LYPLAL1: variants seen among roughly 807,000 people sequenced by gnomAD.
LYPLAL1 encodes the protein lysophospholipase-like protein 1.
Under a neutral mutation model 19.7 loss-of-function variants are expected in LYPLAL1, and 23 were observed. The ratio of observed to expected loss-of-function variants is 1.17; its 90% CI spans 0.84 to 1.65. The LOEUF (loss-of-function observed/expected upper bound fraction) is 1.65, where lower values mean the gene tolerates loss of function less well. LYPLAL1 is among the 40% of genes most tolerant of loss of function. LYPLAL1 has a pLI of 0.00. For synonymous variants in LYPLAL1, 119 were observed against 96.3 expected (o/e 1.24, Z -1.38); for missense variants, 355 against 279.4 (o/e 1.27, Z -1.93).
the LYPLAL1 span, among the ~76,000 whole-genome samples, chr1:219,301,793 TTC>T: frequency 1.3e-5 from 2 of 152,182 alleles, no homozygotes; most frequent in Admixed American, 6.5e-5. Context: ...TACATTTTAA[TTC>T]TTTTTCTCAT....
chr1:219,308,948 A>G, the LYPLAL1 span, among the ~76,000 whole-genome samples: 48,913 of 152,052 alleles, frequency 0.32, 8,316 homozygotes, highest in East Asian at 0.6. Context: ...CTTGCACTGC[A>G]CACCTGGGAA....
At chr1:219,299,629 A>G in the LYPLAL1 span, among the ~76,000 whole-genome samples, 2 of 152,188 alleles carry the variant, frequency 1.3e-5, no homozygotes, top group South Asian at 4.1e-4. Context: ...CAGCAACTCG[A>G]GTCCAGGAAT....
intron 3 of LYPLAL1, among the ~76,000 whole-genome samples, chr1:219,195,191 G>A (rs924407900): frequency 2.0e-5 from 3 of 152,048 alleles, no homozygotes; most frequent in Admixed American, 1.3e-4. Flanking sequence ...TAAATACTCT[G>A]TTCAGTTTTT....
At chr1:219,187,281 A>T (rs1367609442) in intron 2 of LYPLAL1, among the ~76,000 whole-genome samples, 1 of 151,740 alleles carries the variant, frequency 6.6e-6, no homozygotes, top group East Asian at 1.9e-4. Context: ...CATTTTGATT[A>T]TAAGGTATCC....
the LYPLAL1 span, among the ~76,000 whole-genome samples, chr1:219,425,188 G>A: frequency 1.3e-5 from 2 of 152,100 alleles, no homozygotes. Flanking sequence ...GCTCCTTTCA[G>A]GCCTCCCATT....
chr1:219,394,911 C>A, the LYPLAL1 span, among the ~76,000 whole-genome samples: 2 of 152,194 alleles, frequency 1.3e-5, no homozygotes, highest in Non-Finnish European at 2.9e-5. Flanking sequence ...CATTAGTTTG[C>A]TAAGGATAAT....
At chr1:219,270,082 T>G in the LYPLAL1 span, among the ~76,000 whole-genome samples, 1 of 152,256 alleles carries the variant, frequency 6.6e-6, no homozygotes, top group African/African-American at 2.4e-5. Flanking sequence ...AGATTCTGGC[T>G]GCCCTCCAGT....
chr1:219,232,277 G>T, the LYPLAL1 span, among the ~76,000 whole-genome samples: 2 of 152,090 alleles, frequency 1.3e-5, no homozygotes, highest in Non-Finnish European at 2.9e-5. Flanking sequence ...GATAGACTCA[G>T]TGCAGTTCAT....
At chr1:219,428,906 C>A in the LYPLAL1 span, among the ~76,000 whole-genome samples, 2 of 151,856 alleles carry the variant, frequency 1.3e-5, no homozygotes, top group East Asian at 1.9e-4. Flanking sequence ...TGGGTACAGA[C>A]TATTATAGCA....
the LYPLAL1 span, among the ~76,000 whole-genome samples, chr1:219,261,954 A>G: frequency 1.3e-5 from 2 of 152,302 alleles, no homozygotes; most frequent in East Asian, 3.9e-4. Flanking sequence ...CCAAACTTTT[A>G]GATTTCTCTT....
chr1:219,265,185 T>G, the LYPLAL1 span, among the ~76,000 whole-genome samples: 1 of 152,200 alleles, frequency 6.6e-6, no homozygotes, highest in African/African-American at 2.4e-5. Context: ...TATAGCACTC[T>G]CTATAATTTT....
the LYPLAL1 span, among the ~76,000 whole-genome samples, chr1:219,399,892 T>C: frequency 0.53 from 80,415 of 151,956 alleles, 21,715 homozygotes; most frequent in East Asian, 0.81. Context: ...AGCCATGCTC[T>C]GCTACAGATG....
chr1:219,372,322 G>A, the LYPLAL1 span, among the ~76,000 whole-genome samples: 1 of 152,156 alleles, frequency 6.6e-6, no homozygotes, highest in Non-Finnish European at 1.5e-5. Flanking sequence ...GGTCAGCCCT[G>A]ATTTGAGGAT....
the LYPLAL1 span, among the ~76,000 whole-genome samples, chr1:219,220,354 T>A: frequency 2.6e-5 from 4 of 151,212 alleles, no homozygotes; most frequent in African/African-American, 9.9e-5. Context: ...ATCCTGCCTC[T>A]TTTTTACTAA....
chr1:219,228,211 G>A, the LYPLAL1 span, among the ~76,000 whole-genome samples: 2 of 152,132 alleles, frequency 1.3e-5, no homozygotes, highest in African/African-American at 2.4e-5. Context: ...GCCAGATGTG[G>A]GTCACATGCC....
chr1:219,431,701 G>C, the LYPLAL1 span, among the ~76,000 whole-genome samples: 1 of 152,118 alleles, frequency 6.6e-6, no homozygotes, highest in Non-Finnish European at 1.5e-5. Context: ...TTTCTTGCTT[G>C]TTCTGGAAAA....
the LYPLAL1 span, among the ~76,000 whole-genome samples, chr1:219,384,176 AT>A: frequency 6.6e-6 from 1 of 152,246 alleles, no homozygotes; most frequent in South Asian, 2.1e-4. Context: ...CTTGTGATTC[AT>A]TTATGGGAAA....
chr1:219,338,886 A>T, the LYPLAL1 span, among the ~76,000 whole-genome samples: 5 of 150,672 alleles, frequency 3.3e-5, no homozygotes, highest in Admixed American at 2.7e-4. Context: ...AATATATTAC[A>T]TTAATTTTTG....
Position 219,211,538 on chromosome 1 carries a change from A to C in LYPLAL1, c.524A>C (p.His175Pro), listed in dbSNP as rs1294630530. Reference protein sequence around the residue: ...NGVLPELFQCHGTADELVLHS... With the variant: ...NGVLPELFQCPGTADELVLHS... ...GTACTTCCTGAATTATTTCAGTGTC[A>C]TGGTACTGCAGATGAGTTAGTTCTT... Residue 175 changes from histidine to proline, a missense_variant, in exon 5 of 5, where the codon CAT becomes CCT. His to Pro is a moderately conservative substitution (Grantham distance 77). Coordinates refer to ENST00000366928, the MANE Select transcript of LYPLAL1 (RefSeq NM_138794.5). 6.2e-7 allele frequency: 1 copy of C among 1,613,024 alleles called. No homozygotes were observed. Among genetic ancestry groups the C allele is most frequent in the African/African-American group, 1.3e-5 (1 of 74,862 alleles).
Sources: allele counts gnomAD v4.1 joint callset (sites outside exome capture counted in the v4.1 genomes callset), GRCh38; gene constraint gnomAD v4.1.1; transcripts MANE v1.5; gene names NCBI Gene and HGNC (gene_info 2026-07-23, HGNC 2026-07-21).